ZNF804B: variants seen among roughly 807,000 people sequenced by gnomAD.
ZNF804B encodes zinc finger 804B.
ZNF804B carries 80 observed loss-of-function variants against 101.4 expected under a neutral mutation model. That is an observed-to-expected ratio of 0.79 (90% CI 0.66 to 0.95). The LOEUF (loss-of-function observed/expected upper bound fraction) is 0.95, where lower values mean the gene tolerates loss of function less well. Ranked by LOEUF, ZNF804B falls within the 40% of genes least tolerant of loss-of-function variation. The probability of loss-of-function intolerance (pLI) is 0.00; values close to 1 mark genes in which losing one functional copy is unlikely to be tolerated. For synonymous variants in ZNF804B, 622 were observed against 558.8 expected, an observed-to-expected ratio of 1.11 and a Z score of -1.59; for missense variants, 1,673 against 1,561.9, an observed-to-expected ratio of 1.07 and a Z score of -1.20.
chr7:89,088,201 G>C (rs545142313), intron 1 of ZNF804B, among the ~76,000 whole-genome samples: 5 of 151,878 alleles, frequency 3.3e-5, no homozygotes, highest in African/African-American at 1.2e-4. Flanking sequence ...GATTATTACT[G>C]TTAAACCTTG....
chr7:88,822,798 A>G (rs868464860), intron 1 of ZNF804B, among the ~76,000 whole-genome samples: 12 of 152,170 alleles, frequency 7.9e-5, no homozygotes, highest in African/African-American at 2.9e-4. Flanking sequence ...TAGTCACATC[A>G]TTTGTTTTGT....
At chr7:89,271,776 C>T (rs963544083) in intron 2 of ZNF804B, among the ~76,000 whole-genome samples, 1 of 152,094 alleles carries the variant, frequency 6.6e-6, no homozygotes, top group African/African-American at 2.4e-5. Context: ...AGGGATTCAA[C>T]TTCTTCCTGG....
Position 89,054,611 on chromosome 7 carries a change from A to T in ZNF804B, c.109-163544A>T, listed in dbSNP as rs189247313. ...TAAGCACTGAGTAAGCTTTTTTTTC[A>T]TTTTTGTTATCTGGCATAAAGCATT... On this transcript the variant is annotated intron_variant, in intron 1 of 3. Transcript: ENST00000333190. Among the ~76,000 whole-genome samples, 40 of 152,012 alleles carry T rather than the reference A, an allele frequency of 2.6e-4. 1 individual carries two copies. The highest frequency in any genetic ancestry group is 9.6e-4 in the African/African-American group (40 of 41,538).
In ZNF804B at chr7:89,136,393, T is replaced by C. The variant is rs543850125; in HGVS notation, c.109-81762T>C. 2.9e-4 allele frequency among the ~76,000 whole-genome samples: 44 copies of C among 152,260 alleles called. 1 individual carries two copies. The South Asian group carries it at 8.5e-3, about 29-fold the overall frequency. ...AATATAACATTTGTTACTTTAATAA[T>C]TGTTGAATGTACAATTCAATGGCAT... is the stretch of plus-strand genomic sequence containing the variant. On this transcript the variant is annotated intron_variant, in intron 1 of 3. Transcript: ENST00000333190.
chr7:89,242,629 GA>G (rs574076623), intron 2 of ZNF804B, among the ~76,000 whole-genome samples: 14 of 148,394 alleles, frequency 9.4e-5, no homozygotes, highest in South Asian at 2.1e-4. Flanking sequence ...ATTATACATT[GA>G]AAAAAAAAGA....
At chr7:89,166,354 A>T (rs192266703) in intron 1 of ZNF804B, among the ~76,000 whole-genome samples, 1 of 152,328 alleles carries the variant, frequency 6.6e-6, no homozygotes, top group East Asian at 1.9e-4. Flanking sequence ...GTTGACAGGA[A>T]GTTTTACCAA....
chr7:88,915,541 T>C (rs1048433735), intron 1 of ZNF804B, among the ~76,000 whole-genome samples: 3 of 152,004 alleles, frequency 2.0e-5, no homozygotes, highest in African/African-American at 7.2e-5. Flanking sequence ...ATATATTAGG[T>C]ATGTATTAAT....
At chr7:89,138,308 A>G (rs751333128) in intron 1 of ZNF804B, among the ~76,000 whole-genome samples, 70 of 152,102 alleles carry the variant, frequency 4.6e-4, no homozygotes, top group Admixed American at 2.6e-3. Context: ...AACAGCTTGC[A>G]CCGTGTGACC....
chr7:89,035,921 A>G (rs1178683539), intron 1 of ZNF804B, among the ~76,000 whole-genome samples: 3 of 144,748 alleles, frequency 2.1e-5, no homozygotes, highest in African/African-American at 7.6e-5. Context: ...TATTATATAT[A>G]ATATATTAAT....
rs372640521 is a variant in ZNF804B, at chr7:89,333,397, A to G, written c.415A>G (p.Arg139Gly). 2.2e-5 allele frequency: 36 copies of G among 1,611,156 alleles called. 1 individual carries two copies. Among genetic ancestry groups the G allele is most frequent in the East Asian group, 1.6e-4 (7 of 44,814 alleles). The change falls in exon 4 of 4, where the codon AGG becomes GGG. Residue 139 changes from arginine (R) to glycine (G), a missense_variant. Physicochemically the swap from Arg to Gly is moderately radical, Grantham distance 125. Coordinates refer to ENST00000333190, the MANE Select transcript of ZNF804B (RefSeq NM_181646.5). ...SGNGPAYKAP[R>G]VAIEKQLQQG... ...AAATGGACCAGCATACAAAGCCCCC[A>G]GGGTAGCCATAGAAAAGCAACTCCA...
chr7:89,326,103 C>T (rs1790891693), intron 2 of ZNF804B, among the ~76,000 whole-genome samples: 2 of 151,952 alleles, frequency 1.3e-5, no homozygotes, highest in African/African-American at 4.8e-5. Flanking sequence ...TTTCTGATAA[C>T]ATATAGAGCA....
At chr7:89,072,388 G>A (rs1312110380) in intron 1 of ZNF804B, among the ~76,000 whole-genome samples, 1 of 152,128 alleles carries the variant, frequency 6.6e-6, no homozygotes, top group African/African-American at 2.4e-5. Context: ...CCAGAAGATT[G>A]CATAACTACT....
chr7:89,147,354 G>T (rs1414015482), intron 1 of ZNF804B, among the ~76,000 whole-genome samples: 4 of 151,960 alleles, frequency 2.6e-5, no homozygotes, highest in African/African-American at 7.2e-5. Flanking sequence ...GGATGGTAAA[G>T]ATTTCTTTTC....
chr7:89,046,922 T>A (rs1437581802), intron 1 of ZNF804B, among the ~76,000 whole-genome samples: 1 of 152,164 alleles, frequency 6.6e-6, no homozygotes, highest in East Asian at 1.9e-4. Context: ...AATCATTCCT[T>A]ATTTATTTTA....
chr7:89,322,316 T>G (rs1012440269), intron 2 of ZNF804B, among the ~76,000 whole-genome samples: 1 of 152,204 alleles, frequency 6.6e-6, no homozygotes, highest in Non-Finnish European at 1.5e-5. Flanking sequence ...GCTGAGTCAG[T>G]ATAAACGTTT....
chr7:88,854,426 T>TCTTTCTTCCTTTCTTC (rs1554340168), intron 1 of ZNF804B, among the ~76,000 whole-genome samples: 1 of 88,008 alleles, frequency 1.1e-5, no homozygotes, highest in Non-Finnish European at 2.3e-5. Flanking sequence ...TTTCTTTCTT[T>TCTTTCTTCCTTTCTTC]CTTTCTTTCT....
chr7:89,285,522 C>CAAAAAAA (rs778078214), intron 2 of ZNF804B, among the ~76,000 whole-genome samples: 486 of 22,358 alleles, frequency 0.022, 76 homozygotes, highest in Non-Finnish European at 0.03. Context: ...GACTCTGTCT[C>CAAAAAAA]AAAAAAAAAA....
intron 1 of ZNF804B, among the ~76,000 whole-genome samples, chr7:88,843,208 C>G (rs1033731506): frequency 6.6e-6 from 1 of 152,058 alleles, no homozygotes; most frequent in African/African-American, 2.4e-5. Context: ...CCATCATTCA[C>G]TCAGTTATTG....
At chr7:89,105,201 C>T (rs1790117116) in intron 1 of ZNF804B, among the ~76,000 whole-genome samples, 1 of 152,036 alleles carries the variant, frequency 6.6e-6, no homozygotes, top group East Asian at 1.9e-4. Context: ...CTCAGAAAGA[C>T]TCATATCTGA....
Sources: allele counts gnomAD v4.1 joint callset (sites outside exome capture counted in the v4.1 genomes callset), GRCh38; gene constraint gnomAD v4.1.1; transcripts MANE v1.5; gene names NCBI Gene and HGNC (gene_info 2026-07-23, HGNC 2026-07-21).